WDFY3: variants seen among roughly 807,000 people sequenced by gnomAD.
WDFY3 encodes WD repeat and FYVE domain-containing protein 3.
A neutral mutation model predicts 409.6 loss-of-function variants in WDFY3; 66 were observed. The observed-to-expected ratio is 0.16, with a 90% CI of 0.13 to 0.20. WDFY3 has a LOEUF of 0.20. Ranked by LOEUF, WDFY3 falls within the 10% of genes least tolerant of loss-of-function variation. WDFY3 has a pLI of 1.00. For missense variants in WDFY3, 3,031 were observed against 4,298.1 expected (o/e 0.71, Z 8.24); for synonymous variants, 1,521 against 1,537.1 (o/e 0.99, Z 0.25).
In WDFY3 at chr4:84,756,155, G is replaced by C. The variant is rs186339552; in HGVS notation, c.5425-755C>G. 3.9e-5 allele frequency among the ~76,000 whole-genome samples: 6 copies of C among 152,228 alleles called. No individual in the cohort carries two copies. In the East Asian group the frequency reaches 1.2e-3, roughly 29 times the overall value. On this transcript the variant is annotated intron_variant, in intron 33 of 67. Transcript: ENST00000295888. ...TAAAGTCTTACTATTTTCCCAATGT[G>C]GATGCTATCTATCATTAAGTAATTT...
chr4:84,707,283 G>A (rs1413500002), intron 53 of WDFY3, among the ~76,000 whole-genome samples: 1 of 152,094 alleles, frequency 6.6e-6, no homozygotes, highest in Non-Finnish European at 1.5e-5. Flanking sequence ...GAAACTGGCT[G>A]CAGTGTAGAG....
intron 2 of WDFY3, among the ~76,000 whole-genome samples, chr4:84,905,153 C>T (rs1055637641): frequency 3.3e-5 from 5 of 152,098 alleles, no homozygotes; most frequent in South Asian, 2.1e-4. Context: ...CTGGTCAACA[C>T]GGTGAAACCT....
chr4:84,915,343 T>G (rs1768343056), intron 2 of WDFY3, among the ~76,000 whole-genome samples: 1 of 152,200 alleles, frequency 6.6e-6, no homozygotes, highest in African/African-American at 2.4e-5. Context: ...TAGTGTATAT[T>G]CCACAATTTT....
At chr4:84,945,652 T>A (rs572104265) in intron 1 of WDFY3, among the ~76,000 whole-genome samples, 1 of 152,122 alleles carries the variant, frequency 6.6e-6, no homozygotes, top group South Asian at 2.1e-4. Context: ...TGTCCTATAG[T>A]ACATAAAATA....
chr4:84,732,948 TG>T (rs1736847187), intron 44 of WDFY3, among the ~76,000 whole-genome samples: 1 of 152,234 alleles, frequency 6.6e-6, no homozygotes, highest in African/African-American at 2.4e-5. Flanking sequence ...AAGATTCATG[TG>T]TTCTAATATA....
At chr4:84,733,943 C>A (rs535295847) in intron 43 of WDFY3, among the ~76,000 whole-genome samples, 1 of 151,870 alleles carries the variant, frequency 6.6e-6, no homozygotes, top group Non-Finnish European at 1.5e-5. Context: ...GCCCTATGTG[C>A]GTTAATAAAT....
chr4:84,885,979 T>C (rs888936131), intron 3 of WDFY3, among the ~76,000 whole-genome samples: 5 of 152,186 alleles, frequency 3.3e-5, no homozygotes, highest in Non-Finnish European at 5.9e-5. Context: ...TACAACTATA[T>C]ATAGTTATTT....
At position 84,910,639 on chromosome 4, in the gene WDFY3, T is replaced by C. The variant is rs576479523; in HGVS notation, c.-131-13629A>G. On this transcript the variant is annotated intron_variant, in intron 2 of 67. Transcript: ENST00000295888. ...TTAAAAATTAACATAAAATGGGTCA[T>C]AGACCTAAATTTAAGAGCTGAAACT... is the stretch of plus-strand genomic sequence containing the variant. Among the ~76,000 whole-genome samples the C allele has an allele frequency of 4.6e-5, 7 of 152,214 alleles. No individual in the cohort carries two copies. The South Asian group carries it at 1.0e-3, about 23-fold the overall frequency.
intron 1 of WDFY3, among the ~76,000 whole-genome samples, chr4:84,953,337 A>G (rs571831701): frequency 1.3e-5 from 2 of 152,244 alleles, no homozygotes; most frequent in East Asian, 3.9e-4. Context: ...AAAATAGTAT[A>G]TATGCAGGAT....
intron 21 of WDFY3, among the ~76,000 whole-genome samples, chr4:84,792,811 T>C (rs1748744796): frequency 6.6e-6 from 1 of 152,244 alleles, no homozygotes; most frequent in Non-Finnish European, 1.5e-5. Flanking sequence ...TATTCACTTT[T>C]CTCGTTGTTT....
intron 1 of WDFY3, among the ~76,000 whole-genome samples, chr4:84,961,159 GAGC>G (rs1774869229): frequency 6.7e-6 from 1 of 150,018 alleles, no homozygotes; most frequent in African/African-American, 2.5e-5. Context: ...AGGCTGCAGT[GAGC>G]TGAGATCATG....
chr4:84,698,422 G>T (rs992106405), intron 56 of WDFY3, among the ~76,000 whole-genome samples: 8 of 151,326 alleles, frequency 5.3e-5, no homozygotes, highest in African/African-American at 1.9e-4. Context: ...GTACAGGCAC[G>T]TGCCACCATG....
chr4:84,951,093 T>C (rs550872234), intron 1 of WDFY3, among the ~76,000 whole-genome samples: 3 of 152,326 alleles, frequency 2.0e-5, no homozygotes, highest in African/African-American at 4.8e-5. Context: ...CAGGCAATTA[T>C]TTACCTCTAT....
At chr4:84,840,646 T>G (rs1757204896) in intron 6 of WDFY3, among the ~76,000 whole-genome samples, 1 of 152,060 alleles carries the variant, frequency 6.6e-6, no homozygotes, top group Non-Finnish European at 1.5e-5. Flanking sequence ...GGTGTCATTA[T>G]GGCTCACTGC....
intron 19 of WDFY3, among the ~76,000 whole-genome samples, chr4:84,795,834 A>G (rs894811709): frequency 6.6e-6 from 1 of 151,482 alleles, no homozygotes; most frequent in Non-Finnish European, 1.5e-5. Context: ...ATTTGTGTCT[A>G]TTTTAGGCTG....
intron 4 of WDFY3, among the ~76,000 whole-genome samples, chr4:84,857,915 T>A (rs1295044696): frequency 6.6e-6 from 1 of 152,110 alleles, no homozygotes; most frequent in Non-Finnish European, 1.5e-5. Context: ...TATACAAACC[T>A]CAATCTCAAT....
At chr4:84,905,747 A>C (rs1766960179) in intron 2 of WDFY3, among the ~76,000 whole-genome samples, 1 of 152,144 alleles carries the variant, frequency 6.6e-6, no homozygotes. Flanking sequence ...AATTCTAGAT[A>C]TCTGATCCCT....
chr4:84,853,188 CAG>C (rs1006154716), intron 4 of WDFY3, among the ~76,000 whole-genome samples: 5 of 152,136 alleles, frequency 3.3e-5, no homozygotes, highest in African/African-American at 9.7e-5. Context: ...GCTGTTGAGA[CAG>C]AGTTTTTGCT....
intron 47 of WDFY3, among the ~76,000 whole-genome samples, chr4:84,720,348 T>C (rs891900776): frequency 6.6e-6 from 1 of 151,912 alleles, no homozygotes; most frequent in Admixed American, 6.6e-5. Context: ...TCCAGATAAA[T>C]GGGATTATAA....
Sources: gnomAD v4.1 joint callset for allele counts (sites outside exome capture counted in the v4.1 genomes callset) on GRCh38, gnomAD v4.1.1 for gene constraint, MANE v1.5 for transcripts, NCBI Gene and HGNC (gene_info 2026-07-23, HGNC 2026-07-21) for gene names.